The following CD8B2 variants were observed in gnomAD, a reference collection of about 807,000 sequenced individuals.
The protein encoded by CD8B2 is CD8B family member 2.
Under a neutral mutation model 23.7 loss-of-function variants are expected in CD8B2, and 11 were observed. The observed-to-expected ratio is 0.46, with a 90% CI of 0.29 to 0.77. CD8B2 has a LOEUF of 0.77. Among genes scored for constraint, CD8B2 ranks in the 30% least tolerant of loss-of-function variants. The probability of loss-of-function intolerance (pLI) is 0.09; values close to 1 mark genes in which losing one functional copy is unlikely to be tolerated. For missense variants in CD8B2, 197 were observed against 270.5 expected, an observed-to-expected ratio of 0.73 and a Z score of 1.91; for synonymous variants, 90 against 109.3, an observed-to-expected ratio of 0.82 and a Z score of 1.10.
In CD8B2 at chr2:106,507,463, A is replaced by C. The variant is rs1343207926; in HGVS notation, c.*523A>C. On this transcript the variant is annotated 3_prime_UTR_variant, in exon 6 of 6. Transcript: ENST00000643224. ...CTGTCCAGTTCCCAGAAGCCATGTC[A>C]GTCTCTGAGGGCTTCCTTTGGGGCC... is the stretch of plus-strand genomic sequence containing the variant. 15 of 985,844 alleles carry C rather than the reference A, an allele frequency of 1.5e-5. No individual in the cohort carries two copies. Among genetic ancestry groups the C allele is most frequent in the South Asian group, 4.7e-5 (1 of 21,294 alleles). The allele number at this position is 985,844 out of a possible 1,614,324, so 61.1% of individuals were successfully genotyped here.
intron 3 of CD8B2, among the ~76,000 whole-genome samples, chr2:106,498,072 G>A (rs762863689): frequency 5.3e-5 from 8 of 152,004 alleles, no homozygotes; most frequent in Non-Finnish European, 7.4e-5. Context: ...GCTGAATGAC[G>A]GCAAACTCAC....
intron 1 of CD8B2, among the ~76,000 whole-genome samples, chr2:106,490,032 G>A (rs1446485255): frequency 6.6e-6 from 1 of 151,948 alleles, no homozygotes; most frequent in Non-Finnish European, 1.5e-5. Context: ...CCTTCCACTG[G>A]GGAATACGGA....
At chr2:106,490,636 C>G (rs548125200) in intron 1 of CD8B2, among the ~76,000 whole-genome samples, 127 of 152,392 alleles carry the variant, frequency 8.3e-4, no homozygotes, top group African/African-American at 2.9e-3. Context: ...GCTCTCTCCC[C>G]TGTACCTTTG....
At chr2:106,532,009 T>C (rs1381740190) in intron 5 of CD8B2, among the ~76,000 whole-genome samples, 3 of 152,202 alleles carry the variant, frequency 2.0e-5, no homozygotes, top group Admixed American at 6.5e-5. Flanking sequence ...AAGTAACAGA[T>C]CTCCAGCCAG....
intron 2 of CD8B2, among the ~76,000 whole-genome samples, chr2:106,494,938 G>A (rs1427847178): frequency 5.9e-5 from 9 of 152,268 alleles, no homozygotes; most frequent in Non-Finnish European, 1.3e-4. Context: ...TGACACATGC[G>A]TGGTACTCTA....
At chr2:106,532,145 T>G (rs961390287) in intron 5 of CD8B2, among the ~76,000 whole-genome samples, 1 of 152,190 alleles carries the variant, frequency 6.6e-6, no homozygotes, top group African/African-American at 2.4e-5. Context: ...CACAAATATT[T>G]CCCGGAGTTT....
At chr2:106,535,530 G>T (rs928109712) in intron 5 of CD8B2, among the ~76,000 whole-genome samples, 1 of 152,074 alleles carries the variant, frequency 6.6e-6, no homozygotes, top group East Asian at 1.9e-4. Context: ...GAACAGTAAG[G>T]CAAGTTTATA....
Position 106,507,659 on chromosome 2 carries a change from T to C in CD8B2, c.*719T>C. ...TACAAATAAAGTCCCAGGTTAAAGA[T>C]AACAAACGGGTCCTGTGACATAAAC... is the stretch of plus-strand genomic sequence containing the variant. On this transcript the variant is annotated 3_prime_UTR_variant, in exon 6 of 6. Transcript: ENST00000643224. 1 of 958,418 alleles carries C rather than the reference T, an allele frequency of 1.0e-6. No homozygotes were observed. The allele number at this position is 958,418 out of a possible 1,614,324, so 59.4% of individuals were successfully genotyped here. A position where few individuals can be genotyped will look rare whatever the true frequency, so the allele number is the denominator to read the frequency against.
At chr2:106,541,197 A>G (rs1680167905) in intron 5 of CD8B2, among the ~76,000 whole-genome samples, 1 of 152,074 alleles carries the variant, frequency 6.6e-6, no homozygotes, top group African/African-American at 2.4e-5. Context: ...TCTGTGTATC[A>G]CTAGGACCTC....
chr2:106,490,828 T>C lies in CD8B2; in HGVS notation c.44-46T>C, dbSNP rs1298089522. The C allele has an allele frequency of 1.2e-5, 19 of 1,546,106 alleles. 1 individual carries two copies. Among genetic ancestry groups the C allele is most frequent in the Non-Finnish European group, 1.6e-5 (18 of 1,147,430 alleles). On this transcript the variant is annotated intron_variant, in intron 1 of 5. Coordinates refer to ENST00000643224, the MANE Select transcript of CD8B2 (RefSeq NM_001349727.2). ...CAGTGTGACTGCGAGGTCCCACAGCTGTGGCTAGGAAAATGTGCGATGTCT... is the reference window on the plus strand; with the variant it reads ...CAGTGTGACTGCGAGGTCCCACAGCCGTGGCTAGGAAAATGTGCGATGTCT...
At position 106,490,999 on chromosome 2, in the gene CD8B2, C is replaced by A. The variant is rs1383001923; in HGVS notation, c.169C>A (p.Gln57Lys). The change falls in exon 2 of 6, where the codon CAG (glutamine) becomes AAG (lysine). Residue 57 changes from glutamine (Q) to lysine (K), a missense_variant. Transcript: ENST00000643224. ...TAACATGTGCATCTACTGGCTGAGA[C>A]AGCGCCAGGCCCCGAGCAGTGATAG... is the stretch of plus-strand genomic sequence containing the variant. ...LSNMCIYWLRQRQAPSSDSHH... is the reference protein window; with the variant it reads ...LSNMCIYWLRKRQAPSSDSHH... 3.1e-6 allele frequency: 5 copies of A among 1,613,908 alleles called. No homozygotes were observed. The African/African-American group carries it at 4.0e-5, about 13-fold the overall frequency.
chr2:106,487,467 C>A lies in CD8B2; in HGVS notation c.41C>A (p.Thr14Lys). The A allele has an allele frequency of 8.0e-7, 1 of 1,246,464 alleles. No individual in the cohort carries two copies. Among genetic ancestry groups the A allele is most frequent in the Non-Finnish European group, 1.0e-6 (1 of 996,662 alleles). 77.2% of individuals were successfully genotyped at this position (1,246,464 alleles called of 1,614,324 possible). A position where few individuals can be genotyped will look rare whatever the true frequency, so the allele number is the denominator to read the frequency against. The change falls in exon 1 of 6, where the codon ACA becomes AAA. Residue 14 changes from threonine to lysine, a missense_variant and splice_region_variant. By Grantham distance (78) the Thr-to-Lys change is moderately conservative. Around this residue, in one of 3 missense-constraint regions of CD8B2, gnomAD observed 140 missense variants for 164.2 expected, o/e 0.85. Transcript: ENST00000643224. ...RLWLLLAAQL[T>K]VLHGNSVLQQ... ...TGGCTCCTCCTGGCCGCGCAGCTGA[C>A]AGGTAAGGCGGCGGCGCGCGGGCTG... is the stretch of plus-strand genomic sequence containing the variant.
At chr2:106,534,374 C>T (rs1224048829) in intron 5 of CD8B2, among the ~76,000 whole-genome samples, 1 of 152,092 alleles carries the variant, frequency 6.6e-6, no homozygotes, top group Non-Finnish European at 1.5e-5. Context: ...AATAAATTAG[C>T]CCTCTGAAAG....
chr2:106,495,946 A>G lies in CD8B2; in HGVS notation c.404-227A>G, dbSNP rs374663288. 3.7e-3 allele frequency among the ~76,000 whole-genome samples: 569 copies of G among 152,054 alleles called. 3 individuals carry two copies. Among genetic ancestry groups the G allele is most frequent in the South Asian group, 7.5e-3 (36 of 4,806 alleles). ...CCTGGGTAGCTGGGACTGTAGGCATATGCCACCACGCCTGGCTAAACTTTT... is the reference window on the plus strand; with the variant it reads ...CCTGGGTAGCTGGGACTGTAGGCATGTGCCACCACGCCTGGCTAAACTTTT... On this transcript the variant is annotated intron_variant, in intron 2 of 5. Transcript: ENST00000643224.
intron 5 of CD8B2, among the ~76,000 whole-genome samples, chr2:106,516,109 C>T (rs12622677): frequency 0.15 from 22,447 of 151,978 alleles, 1,963 homozygotes; most frequent in South Asian, 0.26. Context: ...GGATTACAGG[C>T]GTGAGCCACT....
At chr2:106,504,160 G>C in intron 4 of CD8B2, 129 bp from the exon 5 acceptor site, 1 of 1,147,274 alleles carries the variant, frequency 8.7e-7, no homozygotes, top group South Asian at 1.6e-5. Flanking sequence ...AAGTGTTTGG[G>C]CCAGGGTCTG....
intron 1 of CD8B2, among the ~76,000 whole-genome samples, chr2:106,489,513 C>T (rs1000782801): frequency 2.2e-4 from 33 of 152,126 alleles, no homozygotes; most frequent in African/African-American, 7.2e-4. Flanking sequence ...TCTGCCTACC[C>T]AGGTCTGTGT....
At chr2:106,540,780 G>A (rs952575083) in intron 5 of CD8B2, among the ~76,000 whole-genome samples, 1 of 152,100 alleles carries the variant, frequency 6.6e-6, no homozygotes, top group Non-Finnish European at 1.5e-5. Flanking sequence ...GGCCAGGCTG[G>A]TATCGAACTC....
chr2:106,532,734 G>C (rs1680007095), intron 5 of CD8B2, among the ~76,000 whole-genome samples: 2 of 152,230 alleles, frequency 1.3e-5, no homozygotes, highest in African/African-American at 2.4e-5. Context: ...ACTCGTGGTA[G>C]TGTAGCAGTG....
Sources: allele counts gnomAD v4.1 joint callset (sites outside exome capture counted in the v4.1 genomes callset), GRCh38; gene constraint gnomAD v4.1.1; regional missense constraint gnomAD v4.1.1; transcripts MANE v1.5; gene names NCBI Gene and HGNC (gene_info 2026-07-23, HGNC 2026-07-21).